Variants in COL22A1 observed in about 807,000 individuals in gnomAD.
COL22A1 encodes collagen type XXII alpha 1 chain.
Under a neutral mutation model 248.9 loss-of-function variants are expected in COL22A1, and 221 were observed. The ratio of observed to expected loss-of-function variants is 0.89; its 90% CI spans 0.80 to 0.99. The LOEUF (loss-of-function observed/expected upper bound fraction) is 0.99. COL22A1 is among the 50% of genes least tolerant of loss of function. The pLI is 0.00. For synonymous variants in COL22A1, 891 were observed against 793.4 expected (o/e 1.12, Z -2.07); for missense variants, 2,240 against 2,179.0 (o/e 1.03, Z -0.56).
intron 30 of COL22A1, among the ~76,000 whole-genome samples, chr8:138,713,712 CCCCA>C (rs879796439): frequency 0.74 from 109,510 of 148,908 alleles, 39,876 homozygotes; most frequent in East Asian, 0.8. Context: ...ATGAGTCCAC[CCCCA>C]CCGCCCCGCC....
chr8:138,652,735 GTTTTTTTTTTTTT>G (rs71316352), intron 45 of COL22A1, among the ~76,000 whole-genome samples: 2,259 of 54,360 alleles, frequency 0.042, 63 homozygotes, highest in Middle Eastern at 0.14. Flanking sequence ...TCCTTTTCTG[GTTTTTTTTTTTTT>G]TTTTTTTTTT....
intron 61 of COL22A1, 43 bp downstream of exon 61, chr8:138,598,676 G>A (rs1051388636): frequency 3.2e-6 from 5 of 1,570,250 alleles, no homozygotes; most frequent in Non-Finnish European, 4.3e-6. Context: ...TCCCCCTTAG[G>A]CCCCGAGGAG....
intron 7 of COL22A1, among the ~76,000 whole-genome samples, chr8:138,816,157 G>A (rs1329622011): frequency 1.3e-5 from 2 of 152,154 alleles, no homozygotes; most frequent in Admixed American, 1.3e-4. Flanking sequence ...AAGGCCGCAG[G>A]GACAGGGAAG....
chr8:138,782,850 C>T lies in COL22A1; in HGVS notation c.1597-1870G>A, dbSNP rs572294372. Among the ~76,000 whole-genome samples, 9 of 152,290 alleles carry T rather than the reference C, an allele frequency of 5.9e-5. No individual in the cohort carries two copies. In the East Asian group the frequency reaches 9.7e-4, roughly 16 times the overall value. On this transcript the variant is annotated intron_variant, in intron 12 of 64. Coordinates refer to ENST00000303045, the MANE Select transcript of COL22A1 (RefSeq NM_152888.3). ...CGGATCAATGGAAGCACCCCACCAG[C>T]GCACCTGTGGCCTGGGAAAGAACAC...
chr8:138,703,226 T>G, intron 31 of COL22A1, 80 bp downstream of exon 31: 3 of 1,252,616 alleles, frequency 2.4e-6, no homozygotes, highest in Non-Finnish European at 3.5e-6. Flanking sequence ...TAAAACTAAG[T>G]AGTGGCAGTT....
intron 7 of COL22A1, among the ~76,000 whole-genome samples, chr8:138,815,516 C>A (rs1293797562): frequency 3.9e-5 from 6 of 152,188 alleles, no homozygotes; most frequent in Non-Finnish European, 8.8e-5. Context: ...CTCCTGCCAC[C>A]CCTCCTGCTC....
intron 26 of COL22A1, 59 bp from the exon 27 acceptor site, chr8:138,720,851 C>A (rs1190435790): frequency 7.4e-7 from 1 of 1,345,660 alleles, no homozygotes; most frequent in African/African-American, 1.4e-5. Flanking sequence ...TTAAACAACA[C>A]AAAGTACTAG....
At chr8:138,638,602 G>T (rs1037067284) in intron 47 of COL22A1, among the ~76,000 whole-genome samples, 2 of 152,072 alleles carry the variant, frequency 1.3e-5, no homozygotes, top group African/African-American at 4.8e-5. Context: ...GCTCATATCT[G>T]TGAAGTGCTA....
chr8:138,865,819 CTG>C (rs568962528), intron 3 of COL22A1, among the ~76,000 whole-genome samples: 22 of 123,462 alleles, frequency 1.8e-4, no homozygotes, highest in East Asian at 7.4e-4. Context: ...GTTTGTATGC[CTG>C]TGTGTGTGTG....
At chr8:138,698,749 G>A (rs554955591) in intron 32 of COL22A1, among the ~76,000 whole-genome samples, 5 of 151,070 alleles carry the variant, frequency 3.3e-5, no homozygotes, top group African/African-American at 4.9e-5. Flanking sequence ...AGAGAGGTGC[G>A]GTGTTCCTCA....
At chr8:138,778,546 C>T in intron 14 of COL22A1, 140 bp from the exon 15 acceptor site, 1 of 684,188 alleles carries the variant, frequency 1.5e-6, no homozygotes. Context: ...GCTGTTGGCA[C>T]AGGTCTCGCC....
intron 46 of COL22A1, among the ~76,000 whole-genome samples, chr8:138,647,877 GATT>G (rs1822350439): frequency 6.6e-6 from 1 of 152,146 alleles, no homozygotes; most frequent in South Asian, 2.1e-4. Context: ...CTCCCTAAGT[GATT>G]TAGAAATGCC....
At chr8:138,602,292 C>A in intron 59 of COL22A1, 133 bp from the exon 60 acceptor site, 33 of 759,672 alleles carry the variant, frequency 4.3e-5, no homozygotes, top group Non-Finnish European at 6.2e-5. Context: ...CCGAGGGCTC[C>A]TTTCTGATTT....
intron 15 of COL22A1, among the ~76,000 whole-genome samples, chr8:138,777,273 C>A (rs1235843355): frequency 4.6e-5 from 7 of 152,198 alleles, no homozygotes; most frequent in Non-Finnish European, 1.0e-4. Flanking sequence ...GCCAAGGCCA[C>A]AAGACGCCGT....
chr8:138,700,005 G>A lies in COL22A1; in HGVS notation c.2592+107C>T, dbSNP rs1339689746. The A allele has an allele frequency of 2.6e-5, 27 of 1,033,272 alleles. No individual in the cohort carries two copies. In the Admixed American group the frequency reaches 4.1e-4, roughly 16 times the overall value. 64.0% of individuals were successfully genotyped at this position (1,033,272 alleles called of 1,614,324 possible). On this transcript the variant is annotated intron_variant, in intron 32 of 64. Coordinates refer to ENST00000303045, the MANE Select transcript of COL22A1 (RefSeq NM_152888.3). ...CCAGATCCCTGACAGTGATGAACGC[G>A]ATGGGGCTGAGTCCTCACCCCACCC...
At chr8:138,639,385 T>C (rs981361422) in intron 47 of COL22A1, among the ~76,000 whole-genome samples, 1 of 152,222 alleles carries the variant, frequency 6.6e-6, no homozygotes, top group Non-Finnish European at 1.5e-5. Flanking sequence ...AGATGTCAAG[T>C]GCACTGGATT....
chr8:138,652,833 G>C (rs754302126), intron 45 of COL22A1, among the ~76,000 whole-genome samples: 4 of 128,850 alleles, frequency 3.1e-5, no homozygotes, highest in Non-Finnish European at 4.7e-5. Context: ...TGCAGCCTCC[G>C]CCTCCCAGAT....
chr8:138,807,107 G>A (rs555632998), intron 10 of COL22A1, among the ~76,000 whole-genome samples: 3 of 152,070 alleles, frequency 2.0e-5, no homozygotes, highest in Non-Finnish European at 4.4e-5. Flanking sequence ...GAGAGTGAGA[G>A]ATAAAGACAG....
intron 10 of COL22A1, among the ~76,000 whole-genome samples, chr8:138,807,054 G>A (rs1817785091): frequency 6.6e-6 from 1 of 152,108 alleles, no homozygotes; most frequent in Admixed American, 6.5e-5. Context: ...GAAATAGGGG[G>A]GAGAACAGAG....
Sources: gnomAD v4.1 joint callset for allele counts (sites outside exome capture counted in the v4.1 genomes callset) on GRCh38, gnomAD v4.1.1 for gene constraint, MANE v1.5 for transcripts, NCBI Gene and HGNC (gene_info 2026-07-23, HGNC 2026-07-21) for gene names.